OSBP2: variants seen among roughly 807,000 people sequenced by gnomAD.
OSBP2 encodes oxysterol-binding protein 2.
Under a neutral mutation model 96.0 loss-of-function variants are expected in OSBP2, and 66 were observed. That is an observed-to-expected ratio of 0.69 (90% confidence interval 0.56 to 0.84). The LOEUF is 0.84. Ranked by LOEUF, OSBP2 falls within the 40% of genes least tolerant of loss-of-function variation. The pLI, the probability that OSBP2 is intolerant of heterozygous loss-of-function variation, is 0.00. For synonymous variants in OSBP2, 525 were observed against 520.9 expected (o/e 1.01, Z -0.11); for missense variants, 1,038 against 1,222.7 (o/e 0.85, Z 2.25).
chr22:30,833,839 G>A (rs1373787533), intron 2 of OSBP2, among the ~76,000 whole-genome samples: 1 of 152,088 alleles, frequency 6.6e-6, no homozygotes, highest in African/African-American at 2.4e-5. Flanking sequence ...TATGATTATT[G>A]CAGTTGGAAA....
intron 2 of OSBP2, chr22:30,770,474 C>T (rs1387640003): frequency 6.6e-6 from 1 of 152,222 alleles, no homozygotes; most frequent in Non-Finnish European, 1.5e-5. Context: ...ATAAATTACC[C>T]AGTCTCAGGT....
chr22:30,890,312 G>T lies in OSBP2; in HGVS notation c.1624-416G>T, dbSNP rs116570288. ...AGGGGCCTTGGGCCTAACCCATCCT[G>T]TGCCGGGCCCCATCACAGCTCGCAA... is the stretch of plus-strand genomic sequence containing the variant. On this transcript the variant is annotated intron_variant, in intron 7 of 13. Transcript: ENST00000332585. The surrounding 1 kb of genome is among the most constrained non-coding windows in gnomAD (Gnocchi z 4.4). 0.013 allele frequency among the ~76,000 whole-genome samples: 1,920 copies of T among 151,730 alleles called. 54 individuals carry two copies. Among genetic ancestry groups the T allele is most frequent in the African/African-American group, 0.045 (1,847 of 41,338 alleles).
chr22:30,808,101 A>G (rs886595068), intron 2 of OSBP2, among the ~76,000 whole-genome samples: 13 of 152,028 alleles, frequency 8.6e-5, no homozygotes, highest in African/African-American at 3.1e-4. Context: ...GCCAAATTTT[A>G]CTGCAGGCCA....
chr22:30,822,709 G>T, intron 2 of OSBP2: 3 of 1,526,108 alleles, frequency 2.0e-6, no homozygotes, highest in Non-Finnish European at 2.6e-6. Context: ...ATTTAAGAAG[G>T]GTTAGTGCTT....
chr22:30,766,912 C>T (rs2090278062), intron 2 of OSBP2, among the ~76,000 whole-genome samples: 1 of 152,030 alleles, frequency 6.6e-6, no homozygotes, highest in African/African-American at 2.4e-5. Flanking sequence ...TGAGGGCGCA[C>T]TGCAGTCAGG....
At chr22:30,872,805 CG>C (rs936971511) in intron 3 of OSBP2, among the ~76,000 whole-genome samples, 7 of 152,230 alleles carry the variant, frequency 4.6e-5, no homozygotes, top group Non-Finnish European at 7.3e-5. Context: ...AGCCACTCCT[CG>C]CCTGGCAGGA....
rs769556331 is a variant in OSBP2 at position 30,738,842 on chromosome 22, G to A, written c.645-2319G>A. ...CTCCCAAAGTGCTGGGATTACAGGC[G>A]TGAGCCACCGTGCCCAGCTGACAAA... On this transcript the variant is annotated intron_variant, in intron 1 of 13. Coordinates refer to ENST00000332585, the MANE Select transcript of OSBP2 (RefSeq NM_030758.4). Among the ~76,000 whole-genome samples, 11 of 151,962 alleles carry A rather than the reference G, an allele frequency of 7.2e-5. No homozygotes were observed. In the South Asian group the frequency reaches 1.0e-3, roughly 14 times the overall value.
At chr22:30,849,271 AAAAAG>A (rs1317263367) in intron 2 of OSBP2, among the ~76,000 whole-genome samples, 3 of 152,192 alleles carry the variant, frequency 2.0e-5, no homozygotes, top group Non-Finnish European at 2.9e-5. Context: ...CCTATCTCAA[AAAAAG>A]AAAAGAAAAG....
rs533230023 is a variant in OSBP2 at position 30,870,284 on chromosome 22, G to A, written c.854-145G>A. ...CAGGATGGGGCAGGCACCTCACCCC[G>A]GCCAGGAACAGGAACGGGCACCATC... On this transcript the variant is annotated intron_variant, in intron 2 of 13. Transcript: ENST00000332585. This position sits in a 1 kb window ranked among gnomAD's most constrained non-coding sequence, Gnocchi z 4.1. The A allele has an allele frequency of 9.9e-4, 864 of 873,996 alleles. 9 individuals are homozygous for A. The African/African-American group carries it at 0.013, about 13-fold the overall frequency. The allele number at this position is 873,996 out of a possible 1,614,324, so 54.1% of individuals were successfully genotyped here.
intron 2 of OSBP2, among the ~76,000 whole-genome samples, chr22:30,833,354 A>C (rs2038569663): frequency 6.6e-6 from 1 of 152,120 alleles, no homozygotes; most frequent in Non-Finnish European, 1.5e-5. Flanking sequence ...ATCCAATAGG[A>C]AAAAAAAGCA....
At chr22:30,861,596 C>T (rs2039212279) in intron 2 of OSBP2, among the ~76,000 whole-genome samples, 1 of 152,182 alleles carries the variant, frequency 6.6e-6, no homozygotes, top group Admixed American at 6.5e-5. Flanking sequence ...CCTGACGTGC[C>T]TTCCAGCGTC....
chr22:30,769,738 G>A (rs772277666), intron 2 of OSBP2, among the ~76,000 whole-genome samples: 2 of 152,288 alleles, frequency 1.3e-5, no homozygotes, highest in African/African-American at 4.8e-5. Context: ...AATGCCAGTC[G>A]TCATCACTAC....
intron 2 of OSBP2, among the ~76,000 whole-genome samples, chr22:30,859,552 G>C (rs1281978009): frequency 6.6e-6 from 1 of 152,210 alleles, no homozygotes; most frequent in Non-Finnish European, 1.5e-5. Context: ...GGTTTCAGGG[G>C]AGCTGTGCTA....
intron 2 of OSBP2, among the ~76,000 whole-genome samples, chr22:30,745,503 A>T (rs2145746287): frequency 6.6e-6 from 1 of 152,004 alleles, no homozygotes; most frequent in South Asian, 2.1e-4. Flanking sequence ...CTACTAAAAA[A>T]ATTTAAAAAT....
At chr22:30,775,031 C>T (rs2090411175) in intron 2 of OSBP2, among the ~76,000 whole-genome samples, 1 of 152,096 alleles carries the variant, frequency 6.6e-6, no homozygotes, top group Admixed American at 6.6e-5. Flanking sequence ...TTCCTATTTC[C>T]CCCATTATTA....
rs2039810896 is a variant in OSBP2, at chr22:30,886,391, G to A, written c.1108-1035G>A. On this transcript the variant is annotated intron_variant, in intron 3 of 13. Transcript: ENST00000332585. ...AAGATGAAAGATTGTGGAGACCAAGGTTCTTTTTAAGTCTTATAGTGGCTC... is the reference window on the plus strand; with the variant it reads ...AAGATGAAAGATTGTGGAGACCAAGATTCTTTTTAAGTCTTATAGTGGCTC... 2.0e-5 allele frequency among the ~76,000 whole-genome samples: 3 copies of A among 152,124 alleles called. No homozygotes were observed. The South Asian group carries it at 6.2e-4, about 32-fold the overall frequency.
chr22:30,771,804 AGGGCTCAGGCTT>A (rs2090349925), intron 2 of OSBP2, among the ~76,000 whole-genome samples: 1 of 152,186 alleles, frequency 6.6e-6, no homozygotes, highest in Non-Finnish European at 1.5e-5. Flanking sequence ...GAAGGTGGGA[AGGGCTCAGGCTT>A]GGGCTCAGGC....
Position 30,870,719 on chromosome 22 carries a change from C to G in OSBP2, c.1107+37C>G, listed in dbSNP as rs1315595300. 1 of 1,599,030 alleles carries G rather than the reference C, an allele frequency of 6.3e-7. No homozygotes were observed. Among genetic ancestry groups the G allele is most frequent in the East Asian group, 2.2e-5 (1 of 44,534 alleles). On this transcript the variant is annotated intron_variant, in intron 3 of 13. Coordinates refer to ENST00000332585, the MANE Select transcript of OSBP2 (RefSeq NM_030758.4). The surrounding 1 kb of genome is among the most constrained non-coding windows in gnomAD (Gnocchi z 4.1). ...CCCCCACCGCCCTGGCACGGGGCTC[C>G]CTGGCTCCAGCCCCGGGGTCCCTCG...
chr22:30,894,835 GT>G (rs2040027346), intron 12 of OSBP2, among the ~76,000 whole-genome samples: 1 of 152,168 alleles, frequency 6.6e-6, no homozygotes, highest in Non-Finnish European at 1.5e-5. Flanking sequence ...TCTTCCGTGA[GT>G]TGAAAGATGC....
Sources: gnomAD v4.1 joint callset for allele counts (sites outside exome capture counted in the v4.1 genomes callset) on GRCh38, gnomAD v4.1.1 for gene constraint, Gnocchi (gnomAD v3.1) non-coding constraint, MANE v1.5 for transcripts, NCBI Gene and HGNC (gene_info 2026-07-23, HGNC 2026-07-21) for gene names.